Variants in SCN7A observed in about 807,000 individuals in gnomAD.
The protein encoded by SCN7A is sodium channel protein type 7 subunit alpha.
SCN7A carries 138 observed loss-of-function variants against 155.2 expected under a neutral mutation model. That is an observed-to-expected ratio of 0.89 (90% CI 0.77 to 1.02). The LOEUF (loss-of-function observed/expected upper bound fraction) is 1.02. SCN7A is among the 50% of genes least tolerant of loss of function. The pLI is 0.00. For synonymous variants in SCN7A, 693 were observed against 649.0 expected (o/e 1.07, Z -1.03); for missense variants, 2,058 against 1,986.6 (o/e 1.04, Z -0.68).
At chr2:166,418,285 T>C (rs79395415) in intron 20 of SCN7A, among the ~76,000 whole-genome samples, 2 of 81,438 alleles carry the variant, frequency 2.5e-5, no homozygotes, top group South Asian at 4.5e-4. Context: ...CCCGCCAGGC[T>C]TTTTTTTTTT....
intron 2 of SCN7A, among the ~76,000 whole-genome samples, chr2:166,486,073 T>C (rs1703039259): frequency 1.3e-5 from 2 of 152,200 alleles, no homozygotes; most frequent in Non-Finnish European, 2.9e-5. Flanking sequence ...ATTGTTCCCC[T>C]AAGATGCAAG....
chr2:166,478,704 T>C (rs1368891635), intron 2 of SCN7A, among the ~76,000 whole-genome samples: 1 of 152,066 alleles, frequency 6.6e-6, no homozygotes, highest in East Asian at 1.9e-4. Flanking sequence ...TAATTTTCTA[T>C]GATTCTTGAA....
At position 166,429,264 on chromosome 2, in the gene SCN7A, T is replaced by C; in HGVS notation, c.2603A>G (p.Gln868Arg). 1 of 1,528,200 alleles carries C rather than the reference T, an allele frequency of 6.5e-7. No homozygotes were observed. The highest frequency in any genetic ancestry group is 8.8e-7 in the Non-Finnish European group (1 of 1,136,404). The allele number at this position is 1,528,200 out of a possible 1,614,324, so 94.7% of individuals were successfully genotyped here. Residue 868 changes from glutamine (Q) to arginine (R), a missense_variant, in exon 17 of 26, where the codon CAA (glutamine) becomes CGA (arginine). Transcript: ENST00000643258. ...AGTACTGCATTCAGATGAGCTAGAT[T>C]GCTTTATTTTCTAAAAGGTGAAGTC... is the stretch of plus-strand genomic sequence containing the variant. ...GDGGSKEKIK[Q>R]SSSSECSTVD...
rs200271809 is a variant in SCN7A, at chr2:166,441,629, C to A, written c.1924G>T (p.Ala642Ser). 13 of 1,613,856 alleles carry A rather than the reference C, an allele frequency of 8.1e-6. No homozygotes were observed. The East Asian group carries it at 1.3e-4, about 17-fold the overall frequency. The change falls in exon 15 of 26, where the codon GCT becomes TCT. Residue 642 changes from alanine to serine, a missense_variant. Physicochemically the swap from Ala to Ser is moderately conservative, Grantham distance 99. Transcript: ENST00000643258. ...LLLFTFIFFSAAFGMKLFGKN... is the reference protein window; with the variant it reads ...LLLFTFIFFSSAFGMKLFGKN... ...CCAAACAGCTTCATGCCGAATGCAG[C>A]AGAAAAGAAGATGAATGTGAACAAC...
At chr2:166,414,003 AAATATAC>A (rs1397582292) in intron 21 of SCN7A, among the ~76,000 whole-genome samples, 61 of 84,062 alleles carry the variant, frequency 7.3e-4, no homozygotes, top group Non-Finnish European at 8.6e-4. Flanking sequence ...ATATATATAT[AAATATAC>A]TATATATATG....
intron 3 of SCN7A, among the ~76,000 whole-genome samples, chr2:166,475,093 C>CATATGTATATATATATATATATAT (rs1553520518): frequency 7.7e-6 from 1 of 129,562 alleles, no homozygotes; most frequent in African/African-American, 2.8e-5. Context: ...TATATATATA[C>CATATGTATATATATATATATATAT]ACATATATAT....
intron 10 of SCN7A, among the ~76,000 whole-genome samples, chr2:166,461,137 A>G (rs1215841536): frequency 7.2e-6 from 1 of 138,584 alleles, no homozygotes; most frequent in Non-Finnish European, 1.5e-5. Context: ...ACAATATATT[A>G]TGAAACTTTG....
intron 11 of SCN7A, among the ~76,000 whole-genome samples, chr2:166,449,191 C>T (rs745989665): frequency 7.1e-6 from 1 of 141,262 alleles, no homozygotes; most frequent in Admixed American, 6.9e-5. Flanking sequence ...AGATGTAAAA[C>T]AGTATTTGAA....
At chr2:166,447,239 A>G (rs1253721278) in intron 12 of SCN7A, among the ~76,000 whole-genome samples, 2 of 152,196 alleles carry the variant, frequency 1.3e-5, no homozygotes, top group East Asian at 3.9e-4. Flanking sequence ...TGCTTTACAA[A>G]TTAATGCCTT....
rs1188264518 is a variant in SCN7A, at chr2:166,405,473, C to T, written c.*107G>A. ...TTGTGAATACAAGCTTAATTACCAT[C>T]GGTTGTAAAGAACTGATTATTATCT... On this transcript the variant is annotated 3_prime_UTR_variant, in exon 26 of 26. Transcript: ENST00000643258. 15 of 810,604 alleles carry T rather than the reference C, an allele frequency of 1.9e-5. No individual in the cohort carries two copies. The highest frequency in any genetic ancestry group is 2.5e-5 in the Non-Finnish European group (13 of 520,334). The allele number at this position is 810,604 out of a possible 1,614,324, so 50.2% of individuals were successfully genotyped here.
intron 16 of SCN7A, 80 bp downstream of exon 16, chr2:166,432,237 TG>T: frequency 1.8e-6 from 2 of 1,086,640 alleles, no homozygotes; most frequent in Non-Finnish European, 2.6e-6. Flanking sequence ...AATCTGGCTG[TG>T]GAACTTCGGC....
Position 166,405,722 on chromosome 2 carries a change from T to C in SCN7A, c.4907A>G (p.Tyr1636Cys), listed in dbSNP as rs1190906674. ...AVSATIIQRAYKNYRLRRNDK... is the reference protein window; with the variant it reads ...AVSATIIQRACKNYRLRRNDK... ...ATTTCGCCTCAAGCGGTAATTTTTA[T>C]AAGCACGTTGAATGATGGTTGCTGA... The change falls in exon 26 of 26, where the codon TAT (tyrosine) becomes TGT (cysteine). Residue 1636 changes from tyrosine (Y) to cysteine (C), a missense_variant. Physicochemically the swap from Tyr to Cys is radical, Grantham distance 194. Transcript: ENST00000643258. 2 of 1,613,068 alleles carry C rather than the reference T, an allele frequency of 1.2e-6. No individual in the cohort carries two copies. The highest frequency in any genetic ancestry group is 3.3e-5 in the Admixed American group (2 of 59,890).
intron 22 of SCN7A, 45 bp downstream of exon 22, chr2:166,413,023 T>G: frequency 7.3e-7 from 1 of 1,362,060 alleles, no homozygotes; most frequent in Non-Finnish European, 1.0e-6. Flanking sequence ...CAAAAATGAC[T>G]TTGCTTGTAT....
chr2:166,445,182 G>A (rs1179238801), intron 12 of SCN7A, among the ~76,000 whole-genome samples, 182 bp from the exon 13 acceptor site: 1 of 152,054 alleles, frequency 6.6e-6, no homozygotes, highest in African/African-American at 2.4e-5. Context: ...TGGGTGTGGT[G>A]GTGGATGCCT....
chr2:166,492,576 T>A (rs939534748), intron 1 of SCN7A, among the ~76,000 whole-genome samples: 4 of 152,332 alleles, frequency 2.6e-5, no homozygotes, highest in African/African-American at 9.6e-5. Context: ...CACACACTTT[T>A]CACTTTTTTG....
At position 166,404,377 on chromosome 2, in the gene SCN7A, A is replaced by C. The variant is rs1483823176; in HGVS notation, c.*1203T>G. On this transcript the variant is annotated 3_prime_UTR_variant, in exon 26 of 26. Coordinates refer to ENST00000643258, the MANE Select transcript of SCN7A (RefSeq NM_002976.4). ...TCTTTGAATATAAAACATTTTATAG[A>C]GTATGGATGTATATGATGAGATTAA... 1 of 151,960 alleles carries C rather than the reference A, an allele frequency of 6.6e-6. No individual in the cohort carries two copies. The highest frequency in any genetic ancestry group is 2.4e-5 in the African/African-American group (1 of 41,418). The allele number at this position is 151,960 out of a possible 1,614,324, so 9.4% of individuals were successfully genotyped here. A position where few individuals can be genotyped will look rare whatever the true frequency, so the allele number is the denominator to read the frequency against.
intron 2 of SCN7A, among the ~76,000 whole-genome samples, chr2:166,478,336 A>T (rs1174501756): frequency 1.3e-5 from 2 of 150,462 alleles, no homozygotes; most frequent in Non-Finnish European, 3.0e-5. Flanking sequence ...AGAAAAAAAA[A>T]TTAACCCAAA....
intron 13 of SCN7A, 115 bp downstream of exon 13, chr2:166,444,647 A>G (rs1009879360): frequency 1.6e-6 from 1 of 640,302 alleles, no homozygotes; most frequent in African/African-American, 1.8e-5. Context: ...ATAATAATGC[A>G]TATTGCAACA....
At chr2:166,439,172 C>G (rs1701904809) in intron 15 of SCN7A, among the ~76,000 whole-genome samples, 2 of 150,394 alleles carry the variant, frequency 1.3e-5, no homozygotes, top group South Asian at 4.2e-4. Flanking sequence ...CTTTTGGAAA[C>G]AGAAACATAA....
Sources: gnomAD v4.1 joint callset for allele counts (sites outside exome capture counted in the v4.1 genomes callset) on GRCh38, gnomAD v4.1.1 for gene constraint, MANE v1.5 for transcripts, NCBI Gene and HGNC (gene_info 2026-07-23, HGNC 2026-07-21) for gene names.